KCMF1: variants seen among roughly 807,000 people sequenced by gnomAD.
KCMF1 encodes potassium channel modulatory factor 1.
KCMF1 carries 3 observed loss-of-function variants against 41.1 expected under a neutral mutation model. The observed-to-expected ratio is 0.07, with a 90% CI of 0.03 to 0.19. KCMF1 has a LOEUF of 0.19. Ranked by LOEUF, KCMF1 falls within the 10% of genes least tolerant of loss-of-function variation. The pLI, the probability that KCMF1 is intolerant of heterozygous loss-of-function variation, is 1.00. For synonymous variants in KCMF1, 142 were observed against 164.5 expected, an observed-to-expected ratio of 0.86 and a Z score of 1.04; for missense variants, 286 against 488.9, an observed-to-expected ratio of 0.58 and a Z score of 3.91.
At chr2:84,997,757 AC>A in intron 1 of KCMF1, among the ~76,000 whole-genome samples, 1 of 146,964 alleles carries the variant, frequency 6.8e-6, no homozygotes, top group South Asian at 2.1e-4. Flanking sequence ...AGCAAAAAAT[AC>A]ATTTTCTTTT....
intron 2 of KCMF1, 49 bp downstream of exon 2, chr2:85,028,105 C>T (rs757859887): frequency 7.8e-6 from 10 of 1,274,232 alleles, no homozygotes; most frequent in Admixed American, 6.7e-5. Context: ...ATTTTATGTA[C>T]GTTGAAGAAG....
At chr2:85,051,771 C>T (rs770125701) in intron 6 of KCMF1, among the ~76,000 whole-genome samples, 1 of 152,096 alleles carries the variant, frequency 6.6e-6, no homozygotes, top group Non-Finnish European at 1.5e-5. Context: ...TTGCAGAAAG[C>T]AAAGTAAGGA....
chr2:85,053,009 A>T (rs868776687), intron 6 of KCMF1, 139 bp from the exon 7 acceptor site: 1 of 690,980 alleles, frequency 1.4e-6, no homozygotes, highest in Non-Finnish European at 2.4e-6. Flanking sequence ...AGGATAAATT[A>T]CAGCCAAGTA....
At chr2:85,003,992 A>C (rs967483668) in intron 1 of KCMF1, among the ~76,000 whole-genome samples, 1 of 152,168 alleles carries the variant, frequency 6.6e-6, no homozygotes, top group African/African-American at 2.4e-5. Context: ...AACCCTATGT[A>C]TCCTGTTATT....
Position 85,059,282 on chromosome 2 carries a change from G to C in KCMF1, c.*5873G>C, listed in dbSNP as rs1676009263. ...TCGGATAGCAGCCACCATGTGTGCT[G>C]ACCACTCACGATTCAGACTTACCTT... On this transcript the variant is annotated 3_prime_UTR_variant, in exon 7 of 7. Transcript: ENST00000409785. 6.6e-6 allele frequency: 1 copy of C among 152,170 alleles called. No homozygotes were observed. The highest frequency in any genetic ancestry group is 2.4e-5 in the African/African-American group (1 of 41,446). The allele number at this position is 152,170 out of a possible 1,614,324, so 9.4% of individuals were successfully genotyped here. A position where few individuals can be genotyped will look rare whatever the true frequency, so the allele number is the denominator to read the frequency against.
chr2:85,039,472 A>T (rs1378043717), intron 3 of KCMF1, among the ~76,000 whole-genome samples: 1 of 152,196 alleles, frequency 6.6e-6, no homozygotes, highest in African/African-American at 2.4e-5. Context: ...AGGTGCTTTC[A>T]TAGAGGAAAA....
intron 1 of KCMF1, among the ~76,000 whole-genome samples, chr2:85,011,679 A>G (rs1405869048): frequency 6.6e-6 from 1 of 151,834 alleles, no homozygotes; most frequent in Admixed American, 6.6e-5. Context: ...AAAGATGCTG[A>G]CCTCTTCCCA....
chr2:84,986,197 AT>A (rs1371368473), intron 1 of KCMF1, among the ~76,000 whole-genome samples: 1 of 152,156 alleles, frequency 6.6e-6, no homozygotes, highest in Non-Finnish European at 1.5e-5. Flanking sequence ...AACTCTTAGA[AT>A]TTTTCCTCCT....
chr2:85,000,778 T>A (rs1674306346), intron 1 of KCMF1, among the ~76,000 whole-genome samples: 1 of 150,122 alleles, frequency 6.7e-6, no homozygotes, highest in Non-Finnish European at 1.5e-5. Flanking sequence ...TTTTACTTTT[T>A]TTTTTTTTTT....
intron 1 of KCMF1, among the ~76,000 whole-genome samples, chr2:84,973,766 G>A (rs1461408793): frequency 2.7e-5 from 4 of 150,624 alleles, no homozygotes; most frequent in African/African-American, 9.8e-5. Context: ...CCTTTTTTGG[G>A]CCAAAGAATC....
intron 1 of KCMF1, among the ~76,000 whole-genome samples, chr2:84,979,996 ATT>A (rs754834197): frequency 1.0e-4 from 14 of 135,232 alleles, no homozygotes; most frequent in Non-Finnish European, 9.7e-5. Flanking sequence ...CTAATTTTGT[ATT>A]TTTTTTTTTT....
intron 1 of KCMF1, among the ~76,000 whole-genome samples, chr2:85,008,633 A>C (rs1488403525): frequency 2.0e-5 from 3 of 151,738 alleles, no homozygotes; most frequent in African/African-American, 7.3e-5. Flanking sequence ...TGAAAGAAGG[A>C]GGCAGAGCAT....
chr2:85,005,392 C>T lies in KCMF1; in HGVS notation c.17-22497C>T, dbSNP rs541210538. On this transcript the variant is annotated intron_variant, in intron 1 of 6. Coordinates refer to ENST00000409785, the MANE Select transcript of KCMF1 (RefSeq NM_020122.5). ...CAAGCTCCGCCTATTGGGGTCATGC[C>T]ATTCTCCTCCCTCAGCCTCCTGAGT... 1.4e-4 allele frequency among the ~76,000 whole-genome samples: 21 copies of T among 151,856 alleles called. 1 individual carries two copies. The South Asian group carries it at 4.4e-3, about 32-fold the overall frequency.
At chr2:85,014,727 G>A (rs2104009270) in intron 1 of KCMF1, among the ~76,000 whole-genome samples, 1 of 116,132 alleles carries the variant, frequency 8.6e-6, no homozygotes, top group African/African-American at 3.8e-5. Context: ...GTGCGTGCGT[G>A]TGTGTGTGTG....
intron 1 of KCMF1, among the ~76,000 whole-genome samples, chr2:85,020,842 C>A (rs1031818732): frequency 6.6e-6 from 1 of 152,058 alleles, no homozygotes; most frequent in East Asian, 1.9e-4. Flanking sequence ...TTATGTTTCT[C>A]CATAGCACTT....
chr2:85,000,038 GAAA>G (rs1674288348), intron 1 of KCMF1, among the ~76,000 whole-genome samples: 1 of 151,106 alleles, frequency 6.6e-6, no homozygotes, highest in South Asian at 2.1e-4. Flanking sequence ...AAAAAAAAAA[GAAA>G]AATAATAGCA....
At position 84,982,389 on chromosome 2, in the gene KCMF1, C is replaced by CTTTTTTTTTTTTTTTTTTTTTTTTTT. The variant is rs34687477; in HGVS notation, c.16+10930_16+10955dup. On this transcript the variant is annotated intron_variant, in intron 1 of 6. Transcript: ENST00000409785. ...GAGTTACAGATGTGTTCCTTATTTT[C>CTTTTTTTTTTTTTTTTTTTTTTTTTT]TTTTTTTTTTTTTTTTTTTTTTTTT... 1.1e-4 allele frequency among the ~76,000 whole-genome samples: 5 copies of CTTTTTTTTTTTTTTTTTTTTTTTTTT among 47,254 alleles called. 2 individuals carry two copies. The highest frequency in any genetic ancestry group is 4.5e-4 in the African/African-American group (5 of 11,222). 31.0% of individuals were successfully genotyped at this position (47,254 alleles called of 152,430 possible). A position where few individuals can be genotyped will look rare whatever the true frequency, so the allele number is the denominator to read the frequency against.
chr2:85,020,414 G>A (rs990423998), intron 1 of KCMF1, among the ~76,000 whole-genome samples: 1 of 152,116 alleles, frequency 6.6e-6, no homozygotes, highest in African/African-American at 2.4e-5. Context: ...GCATCGTCAT[G>A]CATGGAAGCT....
chr2:84,998,995 T>C (rs1453479924), intron 1 of KCMF1, among the ~76,000 whole-genome samples: 8 of 132,946 alleles, frequency 6.0e-5, no homozygotes. Context: ...CCTACCTATC[T>C]GTCCACCCAC....
Sources: gnomAD v4.1 joint callset for allele counts (sites outside exome capture counted in the v4.1 genomes callset) on GRCh38, gnomAD v4.1.1 for gene constraint, MANE v1.5 for transcripts, NCBI Gene and HGNC (gene_info 2026-07-23, HGNC 2026-07-21) for gene names.